Variants in TEAD2 observed in about 807,000 individuals in gnomAD.
TEAD2 encodes the protein transcriptional enhancer factor TEF-4.
TEAD2 carries 51 observed loss-of-function variants against 61.4 expected under a neutral mutation model. The observed-to-expected ratio is 0.83, with a 90% CI of 0.66 to 1.05. The LOEUF (loss-of-function observed/expected upper bound fraction) is 1.05, where lower values mean the gene tolerates loss of function less well. Ranked by LOEUF, TEAD2 falls within the 50% of genes least tolerant of loss-of-function variation. TEAD2 has a pLI of 0.00. For synonymous variants in TEAD2, 244 were observed against 243.2 expected (o/e 1.00, Z -0.03); for missense variants, 509 against 600.0 (o/e 0.85, Z 1.58).
intron 10 of TEAD2, among the ~76,000 whole-genome samples, chr19:49,345,911 T>C (rs1161615663): frequency 6.6e-6 from 1 of 151,948 alleles, no homozygotes; most frequent in African/African-American, 2.4e-5. Context: ...ATGCCTGTAA[T>C]CCCAGCACTT....
rs1488604569 is a variant in TEAD2, at chr19:49,341,290, G to A, written c.*34C>T. The A allele has an allele frequency of 6.3e-7, 1 of 1,576,356 alleles. No individual in the cohort carries two copies. Reference sequence around the variant, plus strand: ...GGAGGACCCTCCCTGGGAGGAGGGTGTTCTGGGGGGTGAGCCAGTTTTGGG... The same window carrying A: ...GGAGGACCCTCCCTGGGAGGAGGGTATTCTGGGGGGTGAGCCAGTTTTGGG... On this transcript the variant is annotated 3_prime_UTR_variant, in exon 13 of 13. Transcript: ENST00000593945. This position sits in a 1 kb window ranked among gnomAD's most constrained non-coding sequence, Gnocchi z 4.2.
At chr19:49,346,227 G>A (rs1971630424) in intron 10 of TEAD2, among the ~76,000 whole-genome samples, 1 of 150,752 alleles carries the variant, frequency 6.6e-6, no homozygotes, top group African/African-American at 2.4e-5. Context: ...CCCCTGTAGT[G>A]TTAGTCATCA....
Position 49,359,373 on chromosome 19 carries a change from C to A in TEAD2, c.297+62G>T. 8 of 1,531,980 alleles carry A rather than the reference C, an allele frequency of 5.2e-6. No individual in the cohort carries two copies. The highest frequency in any genetic ancestry group is 2.2e-5 in the East Asian group (1 of 44,468). The allele number at this position is 1,531,980 out of a possible 1,614,324, so 94.9% of individuals were successfully genotyped here. On this transcript the variant is annotated intron_variant, in intron 3 of 12. Transcript: ENST00000593945. The surrounding 1 kb of genome is among the most constrained non-coding windows in gnomAD (Gnocchi z 4.1). ...TTCCTTGAACCTGAACCTGCCCATG[C>A]GAGGATGACCCTAAGAAGACCGGCC...
intron 9 of TEAD2, among the ~76,000 whole-genome samples, chr19:49,348,362 A>G (rs1971782389): frequency 6.6e-6 from 1 of 152,224 alleles, no homozygotes; most frequent in Non-Finnish European, 1.5e-5. Flanking sequence ...AGTGAACAGT[A>G]GAAACTCAAA....
In TEAD2 at chr19:49,341,661, C is replaced by T. The variant is rs1377426626; in HGVS notation, c.1243-224G>A. 6.6e-6 allele frequency among the ~76,000 whole-genome samples: 1 copy of T among 152,154 alleles called. No homozygotes were observed. The highest frequency in any genetic ancestry group is 1.5e-5 in the Non-Finnish European group (1 of 68,016). ...GAGCGTTGGCAGTTATGGTGTATCA[C>T]ATCTCAGGGTTAATCGGGTTCCCAT... is the stretch of plus-strand genomic sequence containing the variant. On this transcript the variant is annotated intron_variant, in intron 12 of 12. Coordinates refer to ENST00000593945, the MANE Select transcript of TEAD2 (RefSeq NM_001256660.2). This position sits in a 1 kb window ranked among gnomAD's most constrained non-coding sequence, Gnocchi z 4.2.
chr19:49,344,210 T>A (rs1971489436), intron 10 of TEAD2, among the ~76,000 whole-genome samples: 1 of 151,968 alleles, frequency 6.6e-6, no homozygotes, highest in Non-Finnish European at 1.5e-5. Flanking sequence ...TGAAGAAGTC[T>A]GGGTCCCCAA....
chr19:49,353,575 C>G (rs954671340), intron 7 of TEAD2, among the ~76,000 whole-genome samples: 1 of 152,128 alleles, frequency 6.6e-6, no homozygotes, highest in Non-Finnish European at 1.5e-5. Flanking sequence ...CTCATTTCCC[C>G]CATTTGACTA....
chr19:49,347,222 G>C lies in TEAD2; in HGVS notation c.889C>G (p.Pro297Ala), dbSNP rs373070757. ...TTGACCAGGAAGAAGGCATGGGGGG[G>C]GCCACGATCATATAGCTCTCGGAGG... ...GGLRELYDRG[P>A]PHAFFLVKFW... Residue 297 changes from proline to alanine, a missense_variant, in exon 10 of 13, where the codon CCC (proline) becomes GCC (alanine). Transcript: ENST00000593945. The C allele has an allele frequency of 6.2e-6, 10 of 1,614,070 alleles. No homozygotes were observed. Among genetic ancestry groups the C allele is most frequent in the East Asian group, 2.2e-5 (1 of 44,878 alleles).
At chr19:49,354,537 A>C (rs1972249332) in intron 7 of TEAD2, among the ~76,000 whole-genome samples, 1 of 151,400 alleles carries the variant, frequency 6.6e-6, no homozygotes, top group Non-Finnish European at 1.5e-5. Context: ...ACTTCCCATC[A>C]TCTTCTGGGG....
rs777381028 is a variant in TEAD2, at chr19:49,340,628, CACAA to C, written c.*692_*695del. ...AAAATAGCTTTATCCTCTGTCAGAA[CACAA>C]ACAAACAAACTTTGAGAGGGGAGGA... On this transcript the variant is annotated 3_prime_UTR_variant, in exon 13 of 13. Coordinates refer to ENST00000593945, the MANE Select transcript of TEAD2 (RefSeq NM_001256660.2). 1.3e-4 allele frequency: 71 copies of C among 540,416 alleles called. No homozygotes were observed. The highest frequency in any genetic ancestry group is 3.1e-4 in the South Asian group (15 of 48,902). The allele number at this position is 540,416 out of a possible 1,614,324, so 33.5% of individuals were successfully genotyped here.
intron 3 of TEAD2, chr19:49,357,882 G>T (rs1972511029): frequency 6.4e-6 from 1 of 156,324 alleles, no homozygotes; most frequent in Admixed American, 6.2e-5. Context: ...CAGATCACTG[G>T]AGGTCAGGAG....
At chr19:49,356,858 C>A (rs1972435780) in intron 4 of TEAD2, among the ~76,000 whole-genome samples, 1 of 152,084 alleles carries the variant, frequency 6.6e-6, no homozygotes, top group African/African-American at 2.4e-5. Flanking sequence ...CCTTTGTGGG[C>A]CACTGACTCC....
intron 10 of TEAD2, among the ~76,000 whole-genome samples, chr19:49,345,820 G>A (rs577091090): frequency 6.6e-6 from 1 of 152,200 alleles, no homozygotes; most frequent in Non-Finnish European, 1.5e-5. Context: ...CTTGAGGTCA[G>A]GAGTTCGAGA....
Position 49,359,896 on chromosome 19 carries a change from A to G in TEAD2, c.180T>C (p.Tyr60=), listed in dbSNP as rs1360179487. Residue 60 remains tyrosine, a synonymous_variant, in exon 2 of 13, where the codon TAT becomes TAC. Transcript: ENST00000593945. The surrounding 1 kb of genome is among the most constrained non-coding windows in gnomAD (Gnocchi z 4.1). ...TTATTTTCCGGCGGCCGCAGGGTGG[A>G]TAGATGGCCAGGGCCTCCTGGAAGC... ...EQSFQEALAI[Y]PPCGRRKIIL... 1.2e-6 allele frequency: 2 copies of G among 1,613,556 alleles called. No homozygotes were observed. The highest frequency in any genetic ancestry group is 1.3e-5 in the African/African-American group (1 of 74,920).
chr19:49,360,396 G>A (rs1972761905), intron 1 of TEAD2: 1 of 412,426 alleles, frequency 2.4e-6, no homozygotes, highest in African/African-American at 2.0e-5. Context: ...GTGTGAGGGA[G>A]AAGGGGCTGG....
At chr19:49,356,314 C>T (rs151286931) in intron 4 of TEAD2, 2,315 of 162,022 alleles carry the variant, frequency 0.014, 27 homozygotes, top group Non-Finnish European at 0.021. Context: ...CACAGAAGGT[C>T]GAGAACAGAC....
In TEAD2 at chr19:49,359,763, T is replaced by C; in HGVS notation, c.232+81A>G. Reference sequence around the variant, plus strand: ...CTGTGCAAATGGTGATGCTAGCTCCTACTTCAGAGTGCTCCATAAACCTTG... The same window carrying C: ...CTGTGCAAATGGTGATGCTAGCTCCCACTTCAGAGTGCTCCATAAACCTTG... On this transcript the variant is annotated intron_variant, in intron 2 of 12. Transcript: ENST00000593945. The surrounding 1 kb of genome is among the most constrained non-coding windows in gnomAD (Gnocchi z 4.1). The C allele has an allele frequency of 7.1e-7, 1 of 1,405,248 alleles. No individual in the cohort carries two copies. Among genetic ancestry groups the C allele is most frequent in the South Asian group, 1.2e-5 (1 of 80,966 alleles). 87.0% of individuals were successfully genotyped at this position (1,405,248 alleles called of 1,614,324 possible).
At chr19:49,357,126 G>T in intron 4 of TEAD2, 126 bp downstream of exon 4, 1 of 930,164 alleles carries the variant, frequency 1.1e-6, no homozygotes, top group Non-Finnish European at 1.6e-6. Flanking sequence ...TTCTCTCTGG[G>T]TCTCAGTCCT....
rs1291662996 is a variant in TEAD2, at chr19:49,341,613, G to A, written c.1243-176C>T. Reference sequence around the variant, plus strand: ...GGATGCCCAAAAGTCAGTTCCCTGGGCAATGGGGGTTACCCCTCAGCTGAG... The same window carrying A: ...GGATGCCCAAAAGTCAGTTCCCTGGACAATGGGGGTTACCCCTCAGCTGAG... On this transcript the variant is annotated intron_variant, in intron 12 of 12. Transcript: ENST00000593945. This position sits in a 1 kb window ranked among gnomAD's most constrained non-coding sequence, Gnocchi z 4.2. 6.6e-6 allele frequency among the ~76,000 whole-genome samples: 1 copy of A among 152,158 alleles called. No homozygotes were observed. Among genetic ancestry groups the A allele is most frequent in the African/African-American group, 2.4e-5 (1 of 41,436 alleles).
Sources: gnomAD v4.1 joint callset for allele counts (sites outside exome capture counted in the v4.1 genomes callset) on GRCh38, gnomAD v4.1.1 for gene constraint, Gnocchi (gnomAD v3.1) non-coding constraint, MANE v1.5 for transcripts, NCBI Gene and HGNC (gene_info 2026-07-23, HGNC 2026-07-21) for gene names.